RWDD1: variants seen among roughly 807,000 people sequenced by gnomAD.
RWDD1 encodes RWD domain-containing protein 1.
In RWDD1, 17 loss-of-function variants were observed where a neutral mutation model predicts 31.6. The observed-to-expected ratio is 0.54, with a 90% confidence interval of 0.37 to 0.81. The LOEUF (loss-of-function observed/expected upper bound fraction) is 0.81, where lower values mean the gene tolerates loss of function less well. Ranked by LOEUF, RWDD1 falls within the 30% of genes least tolerant of loss-of-function variation. The probability of loss-of-function intolerance (pLI) is 0.00; values close to 1 mark genes in which losing one functional copy is unlikely to be tolerated. For missense variants in RWDD1, 204 were observed against 274.5 expected, an observed-to-expected ratio of 0.74 and a Z score of 1.82; for synonymous variants, 78 against 94.2, an observed-to-expected ratio of 0.83 and a Z score of 0.99.
chr6:116,575,334 C>G (rs2115323078), intron 1 of RWDD1, among the ~76,000 whole-genome samples: 1 of 152,258 alleles, frequency 6.6e-6, no homozygotes, highest in African/African-American at 2.4e-5. Flanking sequence ...GATCCACCCA[C>G]TTCGGCCTCC....
chr6:116,575,647 A>ATT (rs1774826419), intron 1 of RWDD1, among the ~76,000 whole-genome samples: 1 of 152,246 alleles, frequency 6.6e-6, no homozygotes, highest in Non-Finnish European at 1.5e-5. Flanking sequence ...TCTGTGACAG[A>ATT]AAACCCCCAA....
At chr6:116,587,084 T>C (rs1775054544) in intron 3 of RWDD1, among the ~76,000 whole-genome samples, 2 of 152,230 alleles carry the variant, frequency 1.3e-5, no homozygotes, top group African/African-American at 2.4e-5. Context: ...CTAAAAGATA[T>C]CCTACTTTTA....
At chr6:116,583,022 G>A (rs927908074) in intron 2 of RWDD1, among the ~76,000 whole-genome samples, 23 of 150,396 alleles carry the variant, frequency 1.5e-4, no homozygotes, top group African/African-American at 5.6e-4. Flanking sequence ...CTGTTGCCCA[G>A]GCTAGAGTTC....
intron 3 of RWDD1, among the ~76,000 whole-genome samples, chr6:116,587,794 T>C (rs922614267): frequency 3.3e-5 from 5 of 152,058 alleles, no homozygotes; most frequent in Non-Finnish European, 7.4e-5. Context: ...TATTCCAAGC[T>C]GAAAATGTTG....
At position 116,571,625 on chromosome 6, in the gene RWDD1, C is replaced by G; in HGVS notation, c.43C>G (p.Leu15Val). ...GGAGCAGCGCAACGAGCTGGAGGCCCTGGAGTCCATCTACCCTGACTCCTT... is the reference window on the plus strand; with the variant it reads ...GGAGCAGCGCAACGAGCTGGAGGCCGTGGAGTCCATCTACCCTGACTCCTT... The part of the protein sequence containing the change: ...GEEQRNELEA[L>V]ESIYPDSFTV... Residue 15 changes from leucine (L) to valine (V), a missense_variant, in exon 1 of 7, where the codon CTG becomes GTG. Transcript: ENST00000466444. 1.2e-6 allele frequency: 2 copies of G among 1,613,706 alleles called. No individual in the cohort carries two copies. The highest frequency in any genetic ancestry group is 1.7e-6 in the Non-Finnish European group (2 of 1,179,904).
At chr6:116,573,880 G>A (rs1352694301) in intron 1 of RWDD1, among the ~76,000 whole-genome samples, 2 of 151,598 alleles carry the variant, frequency 1.3e-5, no homozygotes, top group Admixed American at 6.6e-5. Flanking sequence ...TTAAGTACAC[G>A]TGACCCCATG....
Position 116,584,788 on chromosome 6 carries a change from T to C in RWDD1, c.201T>C (p.Tyr67=), listed in dbSNP as rs200538980. The part of the protein sequence containing the change: ...SEKYPDEAPL[Y]EIFSQENLED... ...AATACCCAGATGAAGCTCCCCTTTA[T>C]GAAATATTCTCCCAGGAAAATCTAG... The change falls in exon 3 of 7, where the codon TAT becomes TAC. Residue 67 remains tyrosine (Y), a synonymous_variant. Coordinates refer to ENST00000466444, the MANE Select transcript of RWDD1 (RefSeq NM_015952.4). The C allele has an allele frequency of 6.2e-7, 1 of 1,604,568 alleles. No individual in the cohort carries two copies. Among genetic ancestry groups the C allele is most frequent in the East Asian group, 2.2e-5 (1 of 44,766 alleles).
chr6:116,580,150 C>T, intron 1 of RWDD1, 145 bp from the exon 2 acceptor site: 1 of 406,536 alleles, frequency 2.5e-6, no homozygotes, highest in Non-Finnish European at 4.4e-6. Flanking sequence ...TTTATCATTT[C>T]AGTGTTCTGT....
At chr6:116,573,085 G>T (rs1231496613) in intron 1 of RWDD1, 3 of 815,674 alleles carry the variant, frequency 3.7e-6, no homozygotes, top group African/African-American at 3.7e-5. Flanking sequence ...TCTTAATCAT[G>T]TTTGGTCATT....
chr6:116,575,722 G>T (rs1235697672), intron 1 of RWDD1, among the ~76,000 whole-genome samples: 5 of 152,182 alleles, frequency 3.3e-5, no homozygotes, highest in African/African-American at 1.2e-4. Context: ...AGTTGTGGCA[G>T]CTCTATTTCA....
chr6:116,575,133 C>T (rs954721841), intron 1 of RWDD1, among the ~76,000 whole-genome samples: 26 of 152,092 alleles, frequency 1.7e-4, no homozygotes, highest in African/African-American at 5.8e-4. Flanking sequence ...GTTGCCCAGG[C>T]TAAAGTACAG....
intron 3 of RWDD1, 143 bp from the exon 4 acceptor site, chr6:116,588,696 ATAT>A (rs1269782688): frequency 3.0e-6 from 1 of 335,368 alleles, no homozygotes; most frequent in Non-Finnish European, 5.1e-6. Context: ...TTTAAATAAG[ATAT>A]TATTATTTAT....
intron 1 of RWDD1, among the ~76,000 whole-genome samples, chr6:116,576,375 G>A (rs931388573): frequency 3.9e-5 from 6 of 152,084 alleles, no homozygotes; most frequent in Admixed American, 6.5e-5. Flanking sequence ...CATGGGCGTT[G>A]CCACACCTTG....
intron 1 of RWDD1, among the ~76,000 whole-genome samples, chr6:116,572,008 A>G (rs72963098): frequency 0.03 from 4,613 of 152,148 alleles, 95 homozygotes; most frequent in Middle Eastern, 0.099. Context: ...CAGCCGCAAG[A>G]ATGTTAGTTT....
chr6:116,580,381 T>G (rs368817902), intron 2 of RWDD1, 21 bp downstream of exon 2: 340 of 1,550,960 alleles, frequency 2.2e-4, no homozygotes, highest in Non-Finnish European at 2.2e-4. Context: ...TAAAAAATAC[T>G]TGTGGTTTTT....
At chr6:116,581,575 T>G (rs1396405603) in intron 2 of RWDD1, among the ~76,000 whole-genome samples, 1 of 152,008 alleles carries the variant, frequency 6.6e-6, no homozygotes. Flanking sequence ...CCCCAAAAAC[T>G]CCTTTTTAGT....
At chr6:116,577,839 C>T (rs11755235) in intron 1 of RWDD1, among the ~76,000 whole-genome samples, 5,035 of 152,154 alleles carry the variant, frequency 0.033, 120 homozygotes, top group Non-Finnish European at 0.05. Context: ...AAAGATTGTG[C>T]GCAACTAAAC....
At chr6:116,583,177 C>G (rs946535747) in intron 2 of RWDD1, among the ~76,000 whole-genome samples, 3 of 152,044 alleles carry the variant, frequency 2.0e-5, no homozygotes, top group Admixed American at 2.0e-4. Flanking sequence ...TGGGGTCTCA[C>G]TCTTGCCCAG....
chr6:116,586,913 A>G (rs1238437758), intron 3 of RWDD1, among the ~76,000 whole-genome samples: 1 of 152,200 alleles, frequency 6.6e-6, no homozygotes, highest in Admixed American at 6.5e-5. Context: ...AATACCAGAT[A>G]TTTACACTTG....
Sources: gnomAD v4.1 joint callset for allele counts (sites outside exome capture counted in the v4.1 genomes callset) on GRCh38, gnomAD v4.1.1 for gene constraint, MANE v1.5 for transcripts, NCBI Gene and HGNC (gene_info 2026-07-23, HGNC 2026-07-21) for gene names.